Variants in MFHAS1 observed in about 807,000 individuals in gnomAD.
The protein encoded by MFHAS1 is malignant fibrous histiocytoma-amplified sequence 1.
MFHAS1 carries 50 observed loss-of-function variants against 70.4 expected under a neutral mutation model. The observed-to-expected ratio is 0.71, with a 90% CI of 0.57 to 0.90. The LOEUF (loss-of-function observed/expected upper bound fraction) is 0.90. Ranked by LOEUF, MFHAS1 falls within the 40% of genes least tolerant of loss-of-function variation. The pLI is 0.00. For missense variants in MFHAS1, 1,795 were observed against 1,347.6 expected, an observed-to-expected ratio of 1.33 and a Z score of -5.20; for synonymous variants, 952 against 620.0, an observed-to-expected ratio of 1.54 and a Z score of -7.96.
chr8:8,892,915 G>C lies in MFHAS1; in HGVS notation c.144C>G (p.Leu48=), dbSNP rs200720299. 2.1e-4 allele frequency: 324 copies of C among 1,560,682 alleles called. 1 individual carries two copies. The highest frequency in any genetic ancestry group is 7.3e-4 in the Admixed American group (38 of 52,232). ...CGAGCTGGGGGGAGGCGGGGGACTC[G>C]AGCGCGTCGGCCCCGGCCCCGGGGC... ...GACPGAGADA[L]ESPASPQLVL... The change falls in exon 1 of 3, where the codon CTC becomes CTG. Residue 48 remains leucine, a synonymous_variant. Coordinates refer to ENST00000276282, the MANE Select transcript of MFHAS1 (RefSeq NM_004225.3). This position sits in a 1 kb window ranked among gnomAD's most constrained non-coding sequence, Gnocchi z 4.7.
intron 1 of MFHAS1, among the ~76,000 whole-genome samples, chr8:8,829,428 C>T (rs1807285710): frequency 6.6e-6 from 1 of 152,248 alleles, no homozygotes; most frequent in South Asian, 2.1e-4. Flanking sequence ...TGCCTGTAAT[C>T]AGAGCACGTT....
chr8:8,817,768 T>C lies in MFHAS1; in HGVS notation c.2999-20277A>G, dbSNP rs572853855. 2.0e-5 allele frequency among the ~76,000 whole-genome samples: 3 copies of C among 152,292 alleles called. No homozygotes were observed. In the East Asian group the frequency reaches 5.8e-4, roughly 29 times the overall value. On this transcript the variant is annotated intron_variant, in intron 1 of 2. Transcript: ENST00000276282. ...CAGATCATTAGGCATTAGATTCTCA[T>C]AAGGAGTGCACGGATCCCTAGCATG... is the stretch of plus-strand genomic sequence containing the variant.
chr8:8,887,648 G>T (rs112394480), intron 1 of MFHAS1, among the ~76,000 whole-genome samples: 1,822 of 150,720 alleles, frequency 0.012, 42 homozygotes, highest in African/African-American at 0.042. Context: ...CAATCTATAA[G>T]ATAATTTTAC....
chr8:8,795,476 G>T (rs1805859888), intron 2 of MFHAS1, among the ~76,000 whole-genome samples: 1 of 152,160 alleles, frequency 6.6e-6, no homozygotes, highest in Non-Finnish European at 1.5e-5. Context: ...ATGTCTTAGG[G>T]TCAGTGATAA....
rs774197423 is a variant in MFHAS1 at position 8,890,826 on chromosome 8, G to A, written c.2233C>T (p.Pro745Ser). Residue 745 changes from proline to serine, a missense_variant, in exon 1 of 3, where the codon CCC becomes TCC. By Grantham distance (74) the Pro-to-Ser change is moderately conservative. Coordinates refer to ENST00000276282, the MANE Select transcript of MFHAS1 (RefSeq NM_004225.3). ...AGCAGCTTATGCAGCAGCAAAGAGG[G>A]ATCCCTCTGGAAGAAGACATTGAGG... ...DILNVFFQRDPSLLLHKLLLG... is the reference protein window; with the variant it reads ...DILNVFFQRDSSLLLHKLLLG... The A allele has an allele frequency of 6.8e-6, 11 of 1,614,230 alleles. No homozygotes were observed. Among genetic ancestry groups the A allele is most frequent in the South Asian group, 3.3e-5 (3 of 91,086 alleles).
intron 1 of MFHAS1, among the ~76,000 whole-genome samples, chr8:8,830,240 G>T (rs1351274873): frequency 6.6e-6 from 1 of 152,140 alleles, no homozygotes; most frequent in African/African-American, 2.4e-5. Flanking sequence ...AAAGGCTCAA[G>T]GAAGAAATGA....
chr8:8,819,611 A>AAAC (rs1166213127), intron 1 of MFHAS1, among the ~76,000 whole-genome samples: 1 of 149,424 alleles, frequency 6.7e-6, no homozygotes, highest in Non-Finnish European at 1.5e-5. Flanking sequence ...CTCAAAACAA[A>AAAC]AAAAAAAAAA....
At position 8,863,864 on chromosome 8, in the gene MFHAS1, G is replaced by A. The variant is rs536843635; in HGVS notation, c.2998+26197C>T. 9.9e-5 allele frequency among the ~76,000 whole-genome samples: 15 copies of A among 152,178 alleles called. No homozygotes were observed. The East Asian group carries it at 2.7e-3, about 27-fold the overall frequency. On this transcript the variant is annotated intron_variant, in intron 1 of 2. Transcript: ENST00000276282. Reference sequence around the variant, plus strand: ...TTGTTTTATCTGAATTCCTTTCTCAGAAAACCAACCATCAGGGCTCCCAGA... The same window carrying A: ...TTGTTTTATCTGAATTCCTTTCTCAAAAAACCAACCATCAGGGCTCCCAGA...
At chr8:8,862,748 T>C (rs1008774286) in intron 1 of MFHAS1, among the ~76,000 whole-genome samples, 4 of 152,214 alleles carry the variant, frequency 2.6e-5, no homozygotes, top group African/African-American at 9.7e-5. Flanking sequence ...TGTGTCAATG[T>C]AGGTTCATCG....
intron 2 of MFHAS1, among the ~76,000 whole-genome samples, chr8:8,795,896 C>T (rs1207266752): frequency 1.3e-5 from 2 of 152,098 alleles, no homozygotes; most frequent in African/African-American, 4.8e-5. Flanking sequence ...TAAAAAATTC[C>T]ATGTGGCCAG....
intron 2 of MFHAS1, among the ~76,000 whole-genome samples, chr8:8,787,580 A>C (rs1805595586): frequency 6.6e-6 from 1 of 152,212 alleles, no homozygotes; most frequent in African/African-American, 2.4e-5. Context: ...TTGAATGCCT[A>C]TTAATATAGT....
chr8:8,784,421 T>G lies in MFHAS1; in HGVS notation c.*1601A>C, dbSNP rs572768218. 6.6e-6 allele frequency: 1 copy of G among 152,168 alleles called. No homozygotes were observed. Among genetic ancestry groups the G allele is most frequent in the African/African-American group, 2.4e-5 (1 of 41,428 alleles). 9.4% of individuals were successfully genotyped at this position (152,168 alleles called of 1,614,324 possible). ...GTGTCCTATTCAAGTATTAAAAAAATGCAAACATCGTCTGATCCCATTCGA... is the reference window on the plus strand; with the variant it reads ...GTGTCCTATTCAAGTATTAAAAAAAGGCAAACATCGTCTGATCCCATTCGA... On this transcript the variant is annotated 3_prime_UTR_variant, in exon 3 of 3. Transcript: ENST00000276282.
At position 8,784,736 on chromosome 8, in the gene MFHAS1, G is replaced by C. The variant is rs1423941751; in HGVS notation, c.*1286C>G. On this transcript the variant is annotated 3_prime_UTR_variant, in exon 3 of 3. Transcript: ENST00000276282. ...ATACATTTTCGATCAACCCACGGAG[G>C]AGGCAAATGTAAACAGAGTTTTTTA... 6.6e-6 allele frequency: 1 copy of C among 152,180 alleles called. No homozygotes were observed. 9.4% of individuals were successfully genotyped at this position (152,180 alleles called of 1,614,324 possible). A position where few individuals can be genotyped will look rare whatever the true frequency, so the allele number is the denominator to read the frequency against.
chr8:8,876,116 C>T (rs1456279090), intron 1 of MFHAS1, among the ~76,000 whole-genome samples: 4 of 152,176 alleles, frequency 2.6e-5, no homozygotes, highest in Non-Finnish European at 4.4e-5. Flanking sequence ...AAGCATTTAA[C>T]ACATATAACT....
chr8:8,820,328 T>C (rs1806906282), intron 1 of MFHAS1, among the ~76,000 whole-genome samples: 1 of 152,016 alleles, frequency 6.6e-6, no homozygotes, highest in African/African-American at 2.4e-5. Flanking sequence ...TGCCCTTCCC[T>C]ACACCTTTTT....
chr8:8,858,811 A>C (rs1340691851), intron 1 of MFHAS1, among the ~76,000 whole-genome samples: 1 of 152,104 alleles, frequency 6.6e-6, no homozygotes, highest in Non-Finnish European at 1.5e-5. Context: ...TTCAAGGATC[A>C]ACTACACTCA....
chr8:8,844,739 C>A (rs1176530830), intron 1 of MFHAS1, among the ~76,000 whole-genome samples: 2 of 152,232 alleles, frequency 1.3e-5, no homozygotes, highest in African/African-American at 4.8e-5. Context: ...TATTGGATTA[C>A]TGACCATTCC....
intron 1 of MFHAS1, among the ~76,000 whole-genome samples, chr8:8,869,609 G>A (rs1306125672): frequency 6.6e-6 from 1 of 152,218 alleles, no homozygotes; most frequent in Non-Finnish European, 1.5e-5. Context: ...GTGGCTACAC[G>A]ACCCTAATAA....
chr8:8,834,056 G>T (rs959283364), intron 1 of MFHAS1, among the ~76,000 whole-genome samples: 1 of 151,862 alleles, frequency 6.6e-6, no homozygotes, highest in African/African-American at 2.4e-5. Flanking sequence ...AACCCGGGAG[G>T]CGGAGGCTGC....
Sources: gnomAD v4.1 joint callset for allele counts (sites outside exome capture counted in the v4.1 genomes callset) on GRCh38, gnomAD v4.1.1 for gene constraint, Gnocchi (gnomAD v3.1) non-coding constraint, MANE v1.5 for transcripts, NCBI Gene and HGNC (gene_info 2026-07-23, HGNC 2026-07-21) for gene names.